Variants in RFC1 observed in about 807,000 individuals in gnomAD.
RFC1 encodes replication factor C subunit 1, also known as A1 140 kDa subunit.
A neutral mutation model predicts 137.4 loss-of-function variants in RFC1; 37 were observed. That is an observed-to-expected ratio of 0.27 (90% CI 0.21 to 0.35). The LOEUF (loss-of-function observed/expected upper bound fraction) is 0.35, where lower values mean the gene tolerates loss of function less well. Ranked by LOEUF, RFC1 falls within the 10% of genes least tolerant of loss-of-function variation. The pLI is 1.00. For synonymous variants in RFC1, 429 were observed against 455.7 expected, an observed-to-expected ratio of 0.94 and a Z score of 0.75; for missense variants, 1,205 against 1,358.5, an observed-to-expected ratio of 0.89 and a Z score of 1.78.
intron 9 of RFC1, among the ~76,000 whole-genome samples, chr4:39,319,709 C>T (rs1308394823): frequency 6.6e-6 from 1 of 152,048 alleles, no homozygotes; most frequent in African/African-American, 2.4e-5. Flanking sequence ...GTTCCAAGAC[C>T]ACCCCAGTAG....
Position 39,323,363 on chromosome 4 carries a change from C to T in RFC1, c.697G>A (p.Asp233Asn). The change falls in exon 7 of 25, where the codon GAT becomes AAT. Residue 233 changes from aspartate (D) to asparagine (N), a missense_variant. Transcript: ENST00000349703. The stretch of plus-strand genomic sequence containing the variant: ...ACCTTTTTGGTCTTGGGTTCTTCAT[C>T]CAACATGGCTAATGTTCTGGCAAAC... Reference protein sequence around the residue: ...EEFARTLAMLDEEPKTKKARK... With the variant: ...EEFARTLAMLNEEPKTKKARK... The T allele has an allele frequency of 1.2e-6, 2 of 1,614,072 alleles. No homozygotes were observed. Among genetic ancestry groups the T allele is most frequent in the Non-Finnish European group, 1.7e-6 (2 of 1,179,972 alleles).
chr4:39,298,525 G>A (rs1383702743), intron 21 of RFC1, among the ~76,000 whole-genome samples: 2 of 151,920 alleles, frequency 1.3e-5, no homozygotes, highest in Non-Finnish European at 2.9e-5. Context: ...ATTCTGTTTC[G>A]AGTTAAAGAT....
intron 23 of RFC1, 86 bp downstream of exon 23, chr4:39,291,553 T>G: frequency 1.1e-6 from 1 of 933,158 alleles, no homozygotes; most frequent in African/African-American, 1.6e-5. Context: ...AAGTAAATCT[T>G]AAAGCATCTA....
chr4:39,294,303 A>T (rs1292220344), intron 22 of RFC1, among the ~76,000 whole-genome samples: 1 of 152,254 alleles, frequency 6.6e-6, no homozygotes, highest in Non-Finnish European at 1.5e-5. Flanking sequence ...TAAAAGTGGA[A>T]TGGGGGATCA....
rs1177615098 is a variant in RFC1 at position 39,289,980 on chromosome 4, A to G, written c.3228T>C (p.Leu1076=). Residue 1076 remains leucine (L), a synonymous_variant, in exon 24 of 25, where the codon CTT becomes CTC. Transcript: ENST00000349703. ...NKEAHLTPYS[L]QAIKASRHST... is the part of the protein sequence containing the mutation. Reference sequence around the variant, plus strand: ...TGTGTCTAGATGCCTTTATAGCTTGAAGTGAGTATGGAGTAAGGTGGGCTT... The same window carrying G: ...TGTGTCTAGATGCCTTTATAGCTTGGAGTGAGTATGGAGTAAGGTGGGCTT... 3 of 1,613,820 alleles carry G rather than the reference A, an allele frequency of 1.9e-6. No individual in the cohort carries two copies. The Admixed American group carries it at 5.0e-5, about 27-fold the overall frequency.
Position 39,317,211 on chromosome 4 carries a change from G to A in RFC1, c.1096-189C>T, listed in dbSNP as rs557961799. Among the ~76,000 whole-genome samples, 12 of 152,184 alleles carry A rather than the reference G, an allele frequency of 7.9e-5. No individual in the cohort carries two copies. In the South Asian group the frequency reaches 2.5e-3, roughly 32 times the overall value. ...GACTTACGAACATCCCTGCATCAGC[G>A]CTTCTCAAAACTTTCCACTCTCTAA... On this transcript the variant is annotated intron_variant, in intron 9 of 24. Coordinates refer to ENST00000349703, the MANE Select transcript of RFC1 (RefSeq NM_002913.5).
intron 1 of RFC1, 135 bp downstream of exon 1, chr4:39,366,104 T>C (rs1742013777): frequency 1.0e-6 from 1 of 971,034 alleles, no homozygotes; most frequent in Non-Finnish European, 1.5e-6. Flanking sequence ...GTGCGGCCCC[T>C]TCTCTGCCTT....
In RFC1 at chr4:39,288,270, A is replaced by G. The variant is rs1051160847; in HGVS notation, c.*491T>C. 1.3e-5 allele frequency: 2 copies of G among 152,444 alleles called. No homozygotes were observed. The highest frequency in any genetic ancestry group is 4.8e-5 in the African/African-American group (2 of 41,458). 9.4% of individuals were successfully genotyped at this position (152,444 alleles called of 1,614,324 possible). On this transcript the variant is annotated 3_prime_UTR_variant, in exon 25 of 25. Coordinates refer to ENST00000349703, the MANE Select transcript of RFC1 (RefSeq NM_002913.5). The stretch of plus-strand genomic sequence containing the variant: ...TACTTTGAAAGATATCTGACAATGT[A>G]CAAAGAATACCCAGTTCTAGGTGGT...
intron 4 of RFC1, among the ~76,000 whole-genome samples, chr4:39,333,054 C>G (rs950479144): frequency 2.0e-5 from 3 of 152,222 alleles, no homozygotes; most frequent in Non-Finnish European, 4.4e-5. Context: ...CTGGGAAAAA[C>G]AGTGCTGAAC....
In RFC1 at chr4:39,302,368, A is replaced by C. The variant is rs541683474; in HGVS notation, c.2445T>G (p.His815Gln). ...TTCGTGCACACCACATACTCAGATT[A>C]TGTAAAACCTAAAAGAATCACAAAT... Reference protein sequence around the residue: ...GANQDIRQVLHNLSMWCARSK... With the variant: ...GANQDIRQVLQNLSMWCARSK... The change falls in exon 19 of 25, where the codon CAT becomes CAG. Residue 815 changes from histidine (H) to glutamine (Q), a missense_variant. Physicochemically the swap from His to Gln is conservative, Grantham distance 24. Coordinates refer to ENST00000349703, the MANE Select transcript of RFC1 (RefSeq NM_002913.5). The C allele has an allele frequency of 1.1e-4, 182 of 1,611,136 alleles. No homozygotes were observed. In the East Asian group the frequency reaches 3.8e-3, roughly 34 times the overall value.
At position 39,311,495 on chromosome 4, in the gene RFC1, G is replaced by A. The variant is rs367742770; in HGVS notation, c.1438C>T (p.Arg480Trp). Residue 480 changes from arginine to tryptophan, a missense_variant, in exon 12 of 25, where the codon CGG (arginine) becomes TGG (tryptophan). By Grantham distance (101) the Arg-to-Trp change is moderately radical. This residue lies in a region of RFC1 where 962 missense variants were observed against 1,035.3 expected (regional missense o/e 0.93). Transcript: ENST00000349703. ...TTGGATTTCTTGCCTGGCATAGTCC[G>A]AATCAGATTCAACAGGCCATCTTCA... is the stretch of plus-strand genomic sequence containing the variant. ...IDEDGLLNLI[R>W]TMPGKKSKYE... The A allele has an allele frequency of 8.1e-6, 13 of 1,613,858 alleles. No homozygotes were observed. The highest frequency in any genetic ancestry group is 1.7e-5 in the Admixed American group (1 of 59,994).
chr4:39,297,940 T>C (rs1198316790), intron 21 of RFC1, among the ~76,000 whole-genome samples: 1 of 152,344 alleles, frequency 6.6e-6, no homozygotes, highest in East Asian at 1.9e-4. Context: ...TTTTTGTACA[T>C]TAAGCTTTTC....
chr4:39,329,127 C>CAA (rs71594924), intron 4 of RFC1, among the ~76,000 whole-genome samples: 834 of 31,642 alleles, frequency 0.026, 221 homozygotes, highest in African/African-American at 0.064. Context: ...CAGTGACTCA[C>CAA]AAAAAAAAAA....
chr4:39,338,287 G>A (rs769392843), intron 4 of RFC1, among the ~76,000 whole-genome samples: 2 of 152,172 alleles, frequency 1.3e-5, no homozygotes, highest in Non-Finnish European at 2.9e-5. Context: ...TATTTCTCAT[G>A]GAGTGAAACG....
At chr4:39,321,416 A>G (rs1739517884) in intron 7 of RFC1, 42 bp from the exon 8 acceptor site, 2 of 1,548,392 alleles carry the variant, frequency 1.3e-6, no homozygotes, top group Non-Finnish European at 1.8e-6. Flanking sequence ...AAATAATAGA[A>G]AAACTATTAC....
At chr4:39,340,824 T>C (rs560554319) in intron 4 of RFC1, among the ~76,000 whole-genome samples, 4 of 152,120 alleles carry the variant, frequency 2.6e-5, no homozygotes, top group South Asian at 2.1e-4. Context: ...AAGAAAAAAA[T>C]AGAATAATGC....
chr4:39,292,615 ATTATTTAT>A (rs58733449), intron 22 of RFC1, among the ~76,000 whole-genome samples: 3,458 of 144,022 alleles, frequency 0.024, 46 homozygotes, highest in Middle Eastern at 0.057. Context: ...ATATGTATAC[ATTATTTAT>A]TTATTTATTT....
intron 4 of RFC1, among the ~76,000 whole-genome samples, chr4:39,328,684 G>A (rs1335283420): frequency 1.3e-5 from 2 of 152,138 alleles, no homozygotes; most frequent in African/African-American, 4.8e-5. Context: ...AAATCCTGGA[G>A]GACTTTCTAG....
At chr4:39,319,786 A>C (rs1188138453) in intron 9 of RFC1, among the ~76,000 whole-genome samples, 2 of 152,078 alleles carry the variant, frequency 1.3e-5, no homozygotes, top group African/African-American at 4.8e-5. Context: ...TCTATCTAAT[A>C]ACCAAGCCGG....
Sources: allele counts gnomAD v4.1 joint callset (sites outside exome capture counted in the v4.1 genomes callset), GRCh38; gene constraint gnomAD v4.1.1; regional missense constraint gnomAD v4.1.1; transcripts MANE v1.5; gene names NCBI Gene and HGNC (gene_info 2026-07-23, HGNC 2026-07-21).